TBC1D15: variants seen among roughly 807,000 people sequenced by gnomAD.
The protein encoded by TBC1D15 is TBC1 domain family member 15.
In TBC1D15, 39 loss-of-function variants were observed where a neutral mutation model predicts 95.4. The observed-to-expected ratio is 0.41, with a 90% confidence interval of 0.32 to 0.53. TBC1D15 has a LOEUF of 0.53. Among genes scored for constraint, TBC1D15 ranks in the 20% least tolerant of loss-of-function variants. The pLI is 0.29. For synonymous variants in TBC1D15, 258 were observed against 261.3 expected, an observed-to-expected ratio of 0.99 and a Z score of 0.12; for missense variants, 733 against 794.3, an observed-to-expected ratio of 0.92 and a Z score of 0.93.
At chr12:71,913,211 A>G (rs1425686350) in intron 11 of TBC1D15, 1 of 152,098 alleles carries the variant, frequency 6.6e-6, no homozygotes, top group Non-Finnish European at 1.5e-5. Context: ...GAGAGTAACA[A>G]AAAAAGAAAG....
intron 1 of TBC1D15, chr12:71,854,779 T>C (rs774220600): frequency 8.8e-6 from 4 of 456,612 alleles, no homozygotes; most frequent in South Asian, 4.6e-5. Context: ...CCACCTTCTT[T>C]TGCAGATTCG....
At chr12:71,888,534 G>A (rs1244974909) in intron 5 of TBC1D15, among the ~76,000 whole-genome samples, 3 of 151,750 alleles carry the variant, frequency 2.0e-5, no homozygotes, top group Non-Finnish European at 4.4e-5. Flanking sequence ...TTAGACATAT[G>A]ACATTATAAT....
intron 4 of TBC1D15, among the ~76,000 whole-genome samples, chr12:71,882,782 A>G (rs188595672): frequency 1.8e-4 from 28 of 152,312 alleles, no homozygotes; most frequent in Non-Finnish European, 3.5e-4. Flanking sequence ...ATGGCTGTGA[A>G]CAAGATAAAG....
At chr12:71,889,661 AG>A in intron 5 of TBC1D15, among the ~76,000 whole-genome samples, 1 of 152,222 alleles carries the variant, frequency 6.6e-6, no homozygotes, top group Middle Eastern at 3.4e-3. Flanking sequence ...TTTTAGGTTC[AG>A]GGGTATATGT....
chr12:71,848,079 A>G (rs1886787008), intron 1 of TBC1D15, among the ~76,000 whole-genome samples: 1 of 152,360 alleles, frequency 6.6e-6, no homozygotes, highest in East Asian at 1.9e-4. Flanking sequence ...CCTGGGCAAC[A>G]AGAGCGAAAC....
chr12:71,856,919 T>A (rs1889215194), intron 1 of TBC1D15, among the ~76,000 whole-genome samples: 1 of 152,162 alleles, frequency 6.6e-6, no homozygotes, highest in South Asian at 2.1e-4. Context: ...GCAAATCACT[T>A]GATTTTCTTG....
chr12:71,903,534 T>C (rs1317042506), intron 10 of TBC1D15, among the ~76,000 whole-genome samples: 1 of 152,110 alleles, frequency 6.6e-6, no homozygotes. Flanking sequence ...TCCAAAGGGG[T>C]ATAAATCGTT....
Position 71,895,956 on chromosome 12 carries a change from G to C in TBC1D15, c.865G>C (p.Gly289Arg). The C allele has an allele frequency of 6.2e-7, 1 of 1,611,424 alleles. No individual in the cohort carries two copies. The highest frequency in any genetic ancestry group is 8.5e-7 in the Non-Finnish European group (1 of 1,178,384). The stretch of plus-strand genomic sequence containing the variant: ...TTAATCTTATTTTTAGATTGATTTG[G>C]GGGAACGCCCTGTTGTTCAAAGGAG... ...GFEVITRIDL[G>R]ERPVVQRREP... Residue 289 changes from glycine (G) to arginine (R), a missense_variant, in exon 8 of 17, where the codon GGG becomes CGG. Transcript: ENST00000485960.
At position 71,920,722 on chromosome 12, in the gene TBC1D15, C is replaced by T; in HGVS notation, c.1600-9C>T. On this transcript the variant is annotated splice_polypyrimidine_tract_variant and intron_variant, in intron 14 of 16. Transcript: ENST00000485960. ...ACAATTTGCAAAATAGTTCTTCTGC[C>T]TTCTATAGGTAATGTGGACCGAACT... The T allele has an allele frequency of 6.3e-7, 1 of 1,598,606 alleles. No homozygotes were observed. Among genetic ancestry groups the T allele is most frequent in the South Asian group, 1.1e-5 (1 of 90,052 alleles).
At chr12:71,851,030 G>A (rs182064050) in intron 1 of TBC1D15, among the ~76,000 whole-genome samples, 1 of 150,964 alleles carries the variant, frequency 6.6e-6, no homozygotes, top group Admixed American at 6.6e-5. Context: ...CTGAGACTTG[G>A]TAATTTATAG....
intron 8 of TBC1D15, 100 bp from the exon 9 acceptor site, chr12:71,896,577 A>G (rs1263125689): frequency 3.3e-6 from 3 of 919,520 alleles, no homozygotes; most frequent in Non-Finnish European, 5.0e-6. Flanking sequence ...ATATGAAACT[A>G]CCTCTTAAAG....
intron 1 of TBC1D15, among the ~76,000 whole-genome samples, chr12:71,858,156 T>G (rs1889539065): frequency 6.6e-6 from 1 of 152,092 alleles, no homozygotes. Context: ...CACCGCAGCC[T>G]CCATCTCCTG....
intron 10 of TBC1D15, among the ~76,000 whole-genome samples, chr12:71,904,951 C>T (rs1480017672): frequency 1.3e-5 from 2 of 152,146 alleles, no homozygotes; most frequent in Non-Finnish European, 2.9e-5. Context: ...GGTCAGTCAA[C>T]GTGGTTGTGT....
chr12:71,893,356 T>C lies in TBC1D15; in HGVS notation c.657+32T>C, dbSNP rs758440049. The C allele has an allele frequency of 3.3e-6, 5 of 1,502,190 alleles. No individual in the cohort carries two copies. In the Admixed American group the frequency reaches 7.2e-5, roughly 22 times the overall value. The allele number at this position is 1,502,190 out of a possible 1,614,324, so 93.1% of individuals were successfully genotyped here. On this transcript the variant is annotated intron_variant, in intron 6 of 16. Coordinates refer to ENST00000485960, the MANE Select transcript of TBC1D15 (RefSeq NM_001146213.3). ...TCCTTAAATCTATCCTGTATTATTC[T>C]GACTGCATTATTTTATATACCCTGT...
At chr12:71,852,089 T>G (rs1218470117) in intron 1 of TBC1D15, among the ~76,000 whole-genome samples, 5 of 152,254 alleles carry the variant, frequency 3.3e-5, no homozygotes, top group Admixed American at 3.3e-4. Context: ...AGGCAGAGAC[T>G]CTCAAGCTTC....
chr12:71,893,006 G>T (rs1592776110), intron 5 of TBC1D15, among the ~76,000 whole-genome samples: 1 of 151,366 alleles, frequency 6.6e-6, no homozygotes, highest in African/African-American at 2.4e-5. Flanking sequence ...TATATACAGT[G>T]TATTTAGTAT....
At chr12:71,839,962 G>C in intron 1 of TBC1D15, 151 bp downstream of exon 1, 1 of 1,010,848 alleles carries the variant, frequency 9.9e-7, no homozygotes, top group South Asian at 1.5e-5. Flanking sequence ...GTACCAGCTG[G>C]TTTCCCGAGA....
chr12:71,846,702 G>C (rs1287048836), intron 1 of TBC1D15, among the ~76,000 whole-genome samples: 1 of 148,926 alleles, frequency 6.7e-6, no homozygotes, highest in African/African-American at 2.5e-5. Flanking sequence ...TTTTTAATTA[G>C]GTTTTTACTG....
chr12:71,903,528 A>G (rs911662155), intron 10 of TBC1D15, among the ~76,000 whole-genome samples: 14 of 152,244 alleles, frequency 9.2e-5, no homozygotes, highest in Admixed American at 2.6e-4. Context: ...TATATGTCCA[A>G]AGGGGTATAA....
Sources: allele counts gnomAD v4.1 joint callset (sites outside exome capture counted in the v4.1 genomes callset), GRCh38; gene constraint gnomAD v4.1.1; transcripts MANE v1.5; gene names NCBI Gene and HGNC (gene_info 2026-07-23, HGNC 2026-07-21).